Variants in DRC8 observed in about 807,000 individuals in gnomAD.
DRC8 encodes dynein regulatory complex protein 8.
At chr1:245,087,016 T>A in the DRC8 span, 9 of 616,222 alleles carry the variant, frequency 1.5e-5, no homozygotes, top group Admixed American at 2.9e-5. Context: ...AGAGGTTGCT[T>A]GATCTATGAC....
chr1:244,978,528 C>T, the DRC8 span, among the ~76,000 whole-genome samples: 1 of 151,310 alleles, frequency 6.6e-6, no homozygotes, highest in African/African-American at 2.4e-5. Flanking sequence ...CTCACTCTGT[C>T]ACCCTGGCTG....
At chr1:245,098,692 C>T in the DRC8 span, among the ~76,000 whole-genome samples, 2 of 152,192 alleles carry the variant, frequency 1.3e-5, no homozygotes, top group Admixed American at 1.3e-4. Flanking sequence ...TATCCCTTCT[C>T]ATCACAGTCC....
chr1:245,085,350 A>G, the DRC8 span, among the ~76,000 whole-genome samples: 1 of 152,350 alleles, frequency 6.6e-6, no homozygotes, highest in African/African-American at 2.4e-5. Context: ...ACTCTTGTGC[A>G]TTATAATTCT....
chr1:244,999,821 T>A, the DRC8 span, among the ~76,000 whole-genome samples: 1 of 152,212 alleles, frequency 6.6e-6, no homozygotes, highest in Non-Finnish European at 1.5e-5. Context: ...TTTGTTTTGT[T>A]TGTTTTTTGA....
At chr1:245,059,351 T>C in the DRC8 span, 1 of 1,542,318 alleles carries the variant, frequency 6.5e-7, no homozygotes, top group Non-Finnish European at 8.9e-7. Context: ...TCGGAGTTTA[T>C]ATTCTAAAAC....
the DRC8 span, among the ~76,000 whole-genome samples, chr1:245,043,580 T>C: frequency 1.3e-5 from 2 of 152,118 alleles, no homozygotes; most frequent in Non-Finnish European, 2.9e-5. Context: ...TGAAATCGAT[T>C]TAAAAGGAAG....
the DRC8 span, among the ~76,000 whole-genome samples, chr1:245,118,497 A>T: frequency 1.3e-5 from 2 of 152,174 alleles, no homozygotes; most frequent in African/African-American, 4.8e-5. Context: ...CGTGCTGTAA[A>T]ACAATGACAG....
At chr1:245,001,753 C>G in the DRC8 span, among the ~76,000 whole-genome samples, 6 of 152,222 alleles carry the variant, frequency 3.9e-5, no homozygotes, top group Non-Finnish European at 8.8e-5. Flanking sequence ...TAAGAACTTA[C>G]ATCTTTAGAC....
chr1:245,086,907 T>A, the DRC8 span: 1 of 493,614 alleles, frequency 2.0e-6, no homozygotes, highest in South Asian at 1.5e-5. Context: ...GGGCTTCAAG[T>A]TAATCCTCTG....
At chr1:245,069,649 A>G in the DRC8 span, among the ~76,000 whole-genome samples, 1 of 152,216 alleles carries the variant, frequency 6.6e-6, no homozygotes, top group Non-Finnish European at 1.5e-5. Context: ...CTGCTGTTCA[A>G]TGAGTACAGA....
chr1:245,011,105 G>A, the DRC8 span, among the ~76,000 whole-genome samples: 1 of 152,022 alleles, frequency 6.6e-6, no homozygotes, highest in South Asian at 2.1e-4. Flanking sequence ...GTCTAAACAC[G>A]AAACTCATTT....
At chr1:245,061,763 T>C in the DRC8 span, among the ~76,000 whole-genome samples, 12 of 152,210 alleles carry the variant, frequency 7.9e-5, no homozygotes, top group Non-Finnish European at 5.9e-5. Context: ...TGTTCTATAA[T>C]AGTTTCAGAG....
At chr1:245,007,503 T>C in the DRC8 span, among the ~76,000 whole-genome samples, 585 of 152,306 alleles carry the variant, frequency 3.8e-3, 3 homozygotes, top group African/African-American at 0.014. Flanking sequence ...TTAGGAGATA[T>C]GCTGAAGTAT....
At chr1:245,001,600 T>A in the DRC8 span, among the ~76,000 whole-genome samples, 1 of 152,198 alleles carries the variant, frequency 6.6e-6, no homozygotes, top group Non-Finnish European at 1.5e-5. Flanking sequence ...AGGGAGGTTT[T>A]CCTGTGTCTT....
At chr1:245,085,531 C>G in the DRC8 span, among the ~76,000 whole-genome samples, 1 of 151,952 alleles carries the variant, frequency 6.6e-6, no homozygotes, top group African/African-American at 2.4e-5. Flanking sequence ...GAAAATAAGC[C>G]TAGCTGGCCC....
the DRC8 span, among the ~76,000 whole-genome samples, chr1:245,025,954 G>T: frequency 1.3e-5 from 2 of 152,260 alleles, no homozygotes; most frequent in South Asian, 4.1e-4. Flanking sequence ...GTGAATCCAT[G>T]AAGCCTCTTT....
At chr1:245,087,551 TG>T in the DRC8 span, 1 of 1,210,590 alleles carries the variant, frequency 8.3e-7, no homozygotes, top group East Asian at 3.7e-5. Flanking sequence ...CCTTACAGAA[TG>T]ATAAATTACT....
the DRC8 span, among the ~76,000 whole-genome samples, chr1:245,072,772 T>G: frequency 6.6e-6 from 1 of 152,208 alleles, no homozygotes. Flanking sequence ...GGGCCGTCCC[T>G]TGGTGATAAA....
chr1:244,969,873 G>GGCGGGCTGCGAATGGGAA, the DRC8 span: 2 of 437,350 alleles, frequency 4.6e-6, no homozygotes, highest in African/African-American at 4.1e-5. Flanking sequence ...CCCGGCGGGA[G>GGCGGGCTGCGAATGGGAA]GCGGGCTGCG....
Sources: gnomAD v4.1 joint callset for allele counts (sites outside exome capture counted in the v4.1 genomes callset) on GRCh38, gnomAD v4.1.1 for gene constraint, MANE v1.5 for transcripts, NCBI Gene and HGNC (gene_info 2026-07-23, HGNC 2026-07-21) for gene names.